The following RBFOX1 variants were observed in gnomAD, a reference collection of about 807,000 sequenced individuals.
The protein encoded by RBFOX1 is RNA binding fox-1 homolog 1.
RBFOX1 carries 8 observed loss-of-function variants against 57.7 expected under a neutral mutation model. That is an observed-to-expected ratio of 0.14 (90% CI 0.08 to 0.25). The LOEUF is 0.25. RBFOX1 is among the 10% of genes least tolerant of loss of function. The pLI is 1.00. For synonymous variants in RBFOX1, 326 were observed against 222.4 expected, an observed-to-expected ratio of 1.47 and a Z score of -4.15; for missense variants, 611 against 548.5, an observed-to-expected ratio of 1.11 and a Z score of -1.14.
chr16:6,152,094 A>T (rs1159862702), intron 1 of RBFOX1, among the ~76,000 whole-genome samples: 4 of 152,180 alleles, frequency 2.6e-5, no homozygotes, highest in African/African-American at 7.2e-5. Context: ...GAGAAGAAAA[A>T]CACCCTGAAG....
intron 6 of RBFOX1, among the ~76,000 whole-genome samples, chr16:7,585,427 A>G (rs375663848): frequency 2.6e-5 from 4 of 152,196 alleles, no homozygotes; most frequent in African/African-American, 4.8e-5. Flanking sequence ...TCCATTGTGC[A>G]TGCAAGCAAT....
chr16:6,053,068 T>C (rs1234538503), intron 1 of RBFOX1, among the ~76,000 whole-genome samples: 8 of 152,158 alleles, frequency 5.3e-5, no homozygotes, highest in African/African-American at 1.9e-4. Context: ...TTGGGAAGTT[T>C]TTCAGGGGAA....
At chr16:6,743,084 C>T (rs2072680406) in intron 3 of RBFOX1, among the ~76,000 whole-genome samples, 1 of 152,132 alleles carries the variant, frequency 6.6e-6, no homozygotes, top group East Asian at 1.9e-4. Context: ...GTCTTTACAA[C>T]TGTCTGTGTA....
chr16:5,835,642 G>A (rs2056432770), intron 3 of RBFOX1, among the ~76,000 whole-genome samples: 1 of 152,210 alleles, frequency 6.6e-6, no homozygotes, highest in South Asian at 2.1e-4. Flanking sequence ...TCTGAAGCAG[G>A]TGGCTCTGCC....
chr16:6,470,621 C>T (rs912479970), intron 2 of RBFOX1, among the ~76,000 whole-genome samples: 1 of 152,152 alleles, frequency 6.6e-6, no homozygotes, highest in Admixed American at 6.5e-5. Flanking sequence ...CTTTCTGGAG[C>T]TTCCATAGCC....
chr16:7,123,134 A>C (rs2067588345), intron 4 of RBFOX1, among the ~76,000 whole-genome samples: 1 of 152,200 alleles, frequency 6.6e-6, no homozygotes, highest in Admixed American at 6.5e-5. Flanking sequence ...AGCCGTTATA[A>C]GAATCTGTAA....
intron 4 of RBFOX1, among the ~76,000 whole-genome samples, chr16:7,365,540 C>T (rs969736979): frequency 3.9e-5 from 6 of 152,176 alleles, no homozygotes; most frequent in African/African-American, 1.4e-4. Flanking sequence ...TTGGTTGTCT[C>T]AATTGTGTAG....
intron 5 of RBFOX1, among the ~76,000 whole-genome samples, chr16:7,542,670 C>T (rs1486682205): frequency 5.4e-5 from 6 of 111,146 alleles, no homozygotes; most frequent in African/African-American, 7.0e-5. Context: ...GCCTGGCCAA[C>T]ATGGTGAAAC....
intron 4 of RBFOX1, among the ~76,000 whole-genome samples, chr16:7,450,606 C>G (rs906114115): frequency 6.6e-6 from 1 of 152,084 alleles, no homozygotes; most frequent in Non-Finnish European, 1.5e-5. Context: ...AATGTGACAT[C>G]TGGGATTCCA....
At chr16:5,820,912 C>G (rs1398663716) in intron 3 of RBFOX1, among the ~76,000 whole-genome samples, 1 of 152,154 alleles carries the variant, frequency 6.6e-6, no homozygotes, top group African/African-American at 2.4e-5. Context: ...ACCTCAGGCT[C>G]CACAATGCCA....
At chr16:7,674,128 C>G (rs146397672) in intron 13 of RBFOX1, among the ~76,000 whole-genome samples, 1 of 152,278 alleles carries the variant, frequency 6.6e-6, no homozygotes, top group African/African-American at 2.4e-5. Flanking sequence ...AGTTAATACA[C>G]AACTCTTATT....
In RBFOX1 at chr16:7,150,391, C is replaced by T. The variant is rs182930202; in HGVS notation, c.27+98293C>T. ...CCTATGATTTGAGATTATTTGAGAA[C>T]GTCATGAATTGGTCCCCGGGCTGTA... On this transcript the variant is annotated intron_variant, in intron 4 of 15. Coordinates refer to ENST00000550418, the MANE Select transcript of RBFOX1 (RefSeq NM_018723.4). 1.6e-3 allele frequency among the ~76,000 whole-genome samples: 238 copies of T among 152,208 alleles called. 5 individuals carry two copies. The highest frequency in any genetic ancestry group is 0.013 in the Admixed American group (199 of 15,286).
chr16:5,420,079 G>A (rs1429114840), intron 1 of RBFOX1, among the ~76,000 whole-genome samples: 1 of 152,182 alleles, frequency 6.6e-6, no homozygotes. Context: ...TGAGAGAGCA[G>A]ACGGGTGCTG....
chr16:6,180,771 G>C (rs2097056955), intron 1 of RBFOX1, among the ~76,000 whole-genome samples: 1 of 152,042 alleles, frequency 6.6e-6, no homozygotes, highest in Non-Finnish European at 1.5e-5. Context: ...TCACCGGGTT[G>C]GCCAGGCTGG....
At chr16:6,922,329 G>C (rs1233671730) in intron 3 of RBFOX1, among the ~76,000 whole-genome samples, 1 of 152,096 alleles carries the variant, frequency 6.6e-6, no homozygotes, top group African/African-American at 2.4e-5. Context: ...GTGTCCGGTG[G>C]TAATGGCAAG....
intron 3 of RBFOX1, among the ~76,000 whole-genome samples, chr16:6,798,093 C>T (rs572787057): frequency 3.3e-5 from 5 of 152,184 alleles, no homozygotes; most frequent in African/African-American, 1.2e-4. Context: ...ATATATGCCA[C>T]ACCCTTAAAC....
At chr16:6,109,027 G>C (rs2096414399) in intron 1 of RBFOX1, among the ~76,000 whole-genome samples, 1 of 152,142 alleles carries the variant, frequency 6.6e-6, no homozygotes, top group Non-Finnish European at 1.5e-5. Context: ...ATCTTCGGGT[G>C]GCGATTATTC....
At chr16:7,044,880 C>T (rs1349549596) in intron 3 of RBFOX1, among the ~76,000 whole-genome samples, 2 of 152,098 alleles carry the variant, frequency 1.3e-5, no homozygotes, top group Non-Finnish European at 2.9e-5. Context: ...GGAGCCTCTC[C>T]CATAATGGTT....
At chr16:7,136,258 A>C (rs1567403791) in intron 4 of RBFOX1, among the ~76,000 whole-genome samples, 1 of 152,168 alleles carries the variant, frequency 6.6e-6, no homozygotes, top group Non-Finnish European at 1.5e-5. Context: ...ATTGAAATGT[A>C]AATTAATTAA....
Sources: allele counts gnomAD v4.1 joint callset (sites outside exome capture counted in the v4.1 genomes callset), GRCh38; gene constraint gnomAD v4.1.1; transcripts MANE v1.5; gene names NCBI Gene and HGNC (gene_info 2026-07-23, HGNC 2026-07-21).